ZC3H12B: variants seen among roughly 807,000 people sequenced by gnomAD.
The protein encoded by ZC3H12B is probable ribonuclease ZC3H12B.
ZC3H12B carries 7 observed loss-of-function variants against 43.9 expected under a neutral mutation model. The observed-to-expected ratio is 0.16, with a 90% confidence interval of 0.09 to 0.30. The LOEUF (loss-of-function observed/expected upper bound fraction) is 0.30. Ranked by LOEUF, ZC3H12B falls within the 10% of genes least tolerant of loss-of-function variation. The probability of loss-of-function intolerance (pLI) is 1.00; values close to 1 mark genes in which losing one functional copy is unlikely to be tolerated. For synonymous variants in ZC3H12B, 222 were observed against 241.7 expected, an observed-to-expected ratio of 0.92 and a Z score of 0.76; for missense variants, 475 against 670.2, an observed-to-expected ratio of 0.71 and a Z score of 3.22.
the ZC3H12B span, among the ~76,000 whole-genome samples, chrX:65,057,217 G>T: frequency 8.9e-6 from 1 of 111,829 alleles, no homozygotes; most frequent in Non-Finnish European, 1.9e-5. Context: ...TGCAGTGGCT[G>T]GTACCGGTTG....
chrX:65,072,699 G>A, the ZC3H12B span, among the ~76,000 whole-genome samples: 7 of 112,223 alleles, frequency 6.2e-5, no homozygotes, highest in East Asian at 8.4e-4. Flanking sequence ...TCATAGGGCT[G>A]TGGCAGTGAG....
At chrX:65,212,781 C>G in the ZC3H12B span, among the ~76,000 whole-genome samples, 3 of 100,227 alleles carry the variant, frequency 3.0e-5, no homozygotes, top group East Asian at 8.9e-4. Context: ...CTTAGTTAGA[C>G]TATTAGCTCT....
At chrX:65,050,044 C>T in the ZC3H12B span, among the ~76,000 whole-genome samples, 2 of 111,054 alleles carry the variant, frequency 1.8e-5, no homozygotes, top group African/African-American at 6.5e-5. Context: ...CCTGTTTGAC[C>T]TATTGGTTAT....
chrX:65,279,600 C>A, the ZC3H12B span, among the ~76,000 whole-genome samples: 6 of 111,301 alleles, frequency 5.4e-5, no homozygotes, highest in Non-Finnish European at 1.1e-4. Context: ...AAACGTAAAA[C>A]CCAAAACTAT....
chrX:65,359,304 T>C, the ZC3H12B span, among the ~76,000 whole-genome samples: 3 of 112,054 alleles, frequency 2.7e-5, no homozygotes, highest in African/African-American at 9.7e-5. Flanking sequence ...CAAGGAGTAA[T>C]ATTGATTTTC....
chrX:65,199,083 G>A, the ZC3H12B span, among the ~76,000 whole-genome samples: 2 of 108,493 alleles, frequency 1.8e-5, no homozygotes, highest in Non-Finnish European at 3.8e-5. Context: ...GCCCACGTTG[G>A]CCCCCCAAAG....
In ZC3H12B at chrX:65,389,180, T is replaced by G. The variant is rs192145816; in HGVS notation, n.296-9413T>G. Among the ~76,000 whole-genome samples the G allele has an allele frequency of 4.2e-3, 474 of 112,291 alleles. 2 individuals carry two copies. Among genetic ancestry groups the G allele is most frequent in the African/African-American group, 0.013 (412 of 30,950 alleles). On this transcript the variant is annotated intron_variant and non_coding_transcript_variant, in intron 2 of 5. Coordinates refer to the ZC3H12B transcript ENST00000617377. Reference sequence around the variant, plus strand: ...TTCAAAGCTGTCAGACAGGGACATTTAAGTCTGCAGAGGATTCTGCTGCCT... The same window carrying G: ...TTCAAAGCTGTCAGACAGGGACATTGAAGTCTGCAGAGGATTCTGCTGCCT...
the ZC3H12B span, among the ~76,000 whole-genome samples, chrX:65,134,894 T>C: frequency 9.0e-6 from 1 of 110,941 alleles, no homozygotes; most frequent in Non-Finnish European, 1.9e-5. Flanking sequence ...GGTTGTTCTC[T>C]GGCAGGCAGG....
chrX:65,325,093 A>G, the ZC3H12B span, among the ~76,000 whole-genome samples: 8 of 110,971 alleles, frequency 7.2e-5, no homozygotes, highest in Non-Finnish European at 1.3e-4. Context: ...TTTATCTTAT[A>G]TAAATATTTC....
At chrX:65,154,595 G>T in the ZC3H12B span, among the ~76,000 whole-genome samples, 1 of 112,288 alleles carries the variant, frequency 8.9e-6, no homozygotes, top group Non-Finnish European at 1.9e-5. Context: ...TTGGCCGTGT[G>T]GCGGTTCATT....
chrX:65,388,471 T>C (rs1017834745), intron 2 of ZC3H12B, among the ~76,000 whole-genome samples: 11 of 112,293 alleles, frequency 9.8e-5, no homozygotes, highest in Non-Finnish European at 1.3e-4. Flanking sequence ...GTAGTTCTCG[T>C]GCCTTGGTAT....
At chrX:65,138,912 C>G in the ZC3H12B span, among the ~76,000 whole-genome samples, 2 of 111,998 alleles carry the variant, frequency 1.8e-5, no homozygotes, top group Non-Finnish European at 3.8e-5. Context: ...TACTGAGATG[C>G]TTTGCCCATT....
chrX:65,063,374 CT>C, the ZC3H12B span, among the ~76,000 whole-genome samples: 1 of 111,499 alleles, frequency 9.0e-6, no homozygotes, highest in Non-Finnish European at 1.9e-5. Flanking sequence ...GCATGAAGGC[CT>C]GTTGAATTTT....
the ZC3H12B span, among the ~76,000 whole-genome samples, chrX:65,170,023 G>T: frequency 2.7e-5 from 3 of 111,756 alleles, no homozygotes; most frequent in Non-Finnish European, 5.6e-5. Context: ...GGAGCATTTA[G>T]CCGATTTACA....
chrX:65,121,407 A>G, the ZC3H12B span, among the ~76,000 whole-genome samples: 1 of 111,258 alleles, frequency 9.0e-6, no homozygotes, highest in South Asian at 3.8e-4. Flanking sequence ...GAATTTATCC[A>G]TTTCTTCTCG....
chrX:65,074,381 C>T, the ZC3H12B span, among the ~76,000 whole-genome samples: 2 of 110,847 alleles, frequency 1.8e-5, no homozygotes, highest in Admixed American at 1.9e-4. Context: ...TCATGAGCCA[C>T]TTCTTCTTTA....
the ZC3H12B span, among the ~76,000 whole-genome samples, chrX:65,132,785 G>A: frequency 9.0e-6 from 1 of 111,192 alleles, no homozygotes; most frequent in African/African-American, 3.3e-5. Context: ...GTAATGTGGA[G>A]TGGATAGCCT....
At chrX:65,246,111 A>T in the ZC3H12B span, among the ~76,000 whole-genome samples, 2 of 111,292 alleles carry the variant, frequency 1.8e-5, no homozygotes, top group Non-Finnish European at 3.8e-5. Context: ...ATTCCTATAC[A>T]CCAACAATAG....
At chrX:65,125,813 G>A in the ZC3H12B span, among the ~76,000 whole-genome samples, 2 of 110,855 alleles carry the variant, frequency 1.8e-5, no homozygotes, top group South Asian at 3.8e-4. Flanking sequence ...GTGTCCATTT[G>A]CGTGGAATAT....
Sources: allele counts gnomAD v4.1 joint callset (sites outside exome capture counted in the v4.1 genomes callset), GRCh38; gene constraint gnomAD v4.1.1; transcripts MANE v1.5; gene names NCBI Gene and HGNC (gene_info 2026-07-23, HGNC 2026-07-21).